The following BTRC variants were observed in gnomAD, a reference collection of about 807,000 sequenced individuals.
The protein encoded by BTRC is F-box/WD repeat-containing protein 1A.
BTRC carries 42 observed loss-of-function variants against 85.5 expected under a neutral mutation model. The observed-to-expected ratio is 0.49, with a 90% CI of 0.38 to 0.64. The LOEUF is 0.64. Ranked by LOEUF, BTRC falls within the 30% of genes least tolerant of loss-of-function variation. The probability of loss-of-function intolerance (pLI) is 0.00; values close to 1 mark genes in which losing one functional copy is unlikely to be tolerated. For missense variants in BTRC, 594 were observed against 743.5 expected (o/e 0.80, Z 2.34); for synonymous variants, 255 against 263.3 (o/e 0.97, Z 0.30).
chr10:101,522,377 C>CAAAAAAAA (rs377683037), intron 5 of BTRC, among the ~76,000 whole-genome samples: 1 of 49,320 alleles, frequency 2.0e-5, no homozygotes, highest in African/African-American at 6.0e-5. Flanking sequence ...CAAAAAAAAA[C>CAAAAAAAA]AAAAAAAAAA....
At chr10:101,505,608 A>G (rs1402168355) in intron 4 of BTRC, among the ~76,000 whole-genome samples, 2 of 149,792 alleles carry the variant, frequency 1.3e-5, no homozygotes, top group African/African-American at 4.9e-5. Context: ...CGACAGAGCG[A>G]GACTCCGTCT....
At chr10:101,381,073 G>C (rs1476120736) in intron 1 of BTRC, among the ~76,000 whole-genome samples, 2 of 152,052 alleles carry the variant, frequency 1.3e-5, no homozygotes, top group East Asian at 3.9e-4. Context: ...TGAAGTGTCA[G>C]GGGGTGCATG....
intron 4 of BTRC, among the ~76,000 whole-genome samples, chr10:101,491,139 A>G (rs776563787): frequency 3.3e-5 from 5 of 152,082 alleles, no homozygotes; most frequent in Non-Finnish European, 7.4e-5. Context: ...CCTTATTAAC[A>G]TAGTATACAG....
intron 6 of BTRC, among the ~76,000 whole-genome samples, chr10:101,529,828 C>G (rs2062253295): frequency 6.6e-6 from 1 of 152,090 alleles, no homozygotes; most frequent in South Asian, 2.1e-4. Flanking sequence ...TGTAATGGAG[C>G]TATAGAGGGA....
intron 3 of BTRC, among the ~76,000 whole-genome samples, chr10:101,477,345 C>G (rs566580027): frequency 1.3e-5 from 2 of 151,644 alleles, no homozygotes; most frequent in African/African-American, 4.8e-5. Flanking sequence ...GATTCTGATG[C>G]GCACTAAAGT....
intron 4 of BTRC, among the ~76,000 whole-genome samples, chr10:101,480,842 G>A (rs1945814595): frequency 1.3e-5 from 2 of 152,250 alleles, no homozygotes; most frequent in South Asian, 4.1e-4. Context: ...GCTATAAAAT[G>A]TAATTATAAA....
chr10:101,504,290 G>A (rs1946462869), intron 4 of BTRC, among the ~76,000 whole-genome samples: 1 of 152,176 alleles, frequency 6.6e-6, no homozygotes, highest in Non-Finnish European at 1.5e-5. Flanking sequence ...CCCTCTTGAT[G>A]TTTATTGTGT....
At chr10:101,510,528 A>C (rs1001540644) in intron 4 of BTRC, among the ~76,000 whole-genome samples, 2 of 151,784 alleles carry the variant, frequency 1.3e-5, no homozygotes, top group Non-Finnish European at 2.9e-5. Flanking sequence ...ACAAAAAAAA[A>C]AGTCGTTGTT....
At chr10:101,468,850 A>G (rs1349728563) in intron 3 of BTRC, among the ~76,000 whole-genome samples, 2 of 152,236 alleles carry the variant, frequency 1.3e-5, no homozygotes, top group African/African-American at 4.8e-5. Flanking sequence ...AGTGTGTTAT[A>G]TGTTTCACCT....
chr10:101,389,890 G>A (rs895374373), intron 1 of BTRC, among the ~76,000 whole-genome samples: 36 of 152,086 alleles, frequency 2.4e-4, no homozygotes, highest in Admixed American at 1.7e-3. Context: ...CTTCCAAAGT[G>A]TTGAGATTAT....
intron 1 of BTRC, among the ~76,000 whole-genome samples, chr10:101,399,155 A>G (rs1943435676): frequency 1.3e-5 from 2 of 151,962 alleles, no homozygotes; most frequent in South Asian, 2.1e-4. Flanking sequence ...GGGTTTCACC[A>G]TGTTGGCCAA....
chr10:101,550,256 A>G lies in BTRC; in HGVS notation c.1657-443A>G, dbSNP rs116297442. 7.1e-3 allele frequency among the ~76,000 whole-genome samples: 1,067 copies of G among 150,924 alleles called. 10 individuals carry two copies. Among genetic ancestry groups the G allele is most frequent in the African/African-American group, 0.023 (927 of 41,126 alleles). ...TCCATGCTGCCTTTAGCCAAAGTAA[A>G]TTTTCTCTATTTTTTTAATTTATTT... On this transcript the variant is annotated intron_variant, in intron 13 of 14. Transcript: ENST00000370187.
chr10:101,362,963 G>A (rs1369556845), intron 1 of BTRC, among the ~76,000 whole-genome samples: 1 of 152,174 alleles, frequency 6.6e-6, no homozygotes, highest in Non-Finnish European at 1.5e-5. Context: ...ATGTGTGTAG[G>A]TTATGTGCCG....
intron 2 of BTRC, among the ~76,000 whole-genome samples, chr10:101,436,771 C>G (rs1944543882): frequency 6.6e-6 from 1 of 152,020 alleles, no homozygotes; most frequent in Non-Finnish European, 1.5e-5. Flanking sequence ...AGCTAGGGTT[C>G]CATGTCAAAG....
intron 2 of BTRC, among the ~76,000 whole-genome samples, chr10:101,435,534 C>T (rs1274634733): frequency 1.3e-5 from 2 of 152,128 alleles, no homozygotes; most frequent in African/African-American, 4.8e-5. Context: ...CAGTAGTTCT[C>T]TTTTATTGTT....
At chr10:101,441,989 A>G (rs1262834541) in intron 2 of BTRC, among the ~76,000 whole-genome samples, 1 of 152,032 alleles carries the variant, frequency 6.6e-6, no homozygotes, top group Middle Eastern at 3.2e-3. Context: ...GATTGCATAT[A>G]CTTCTTTGAT....
chr10:101,385,253 G>A (rs1173848111), intron 1 of BTRC, among the ~76,000 whole-genome samples: 14 of 151,372 alleles, frequency 9.2e-5, no homozygotes, highest in Admixed American at 8.6e-4. Flanking sequence ...TGTAGTCCCA[G>A]CTACTCAGGA....
chr10:101,392,645 G>A (rs1437228234), intron 1 of BTRC, among the ~76,000 whole-genome samples: 3 of 151,858 alleles, frequency 2.0e-5, no homozygotes, highest in Non-Finnish European at 4.4e-5. Context: ...GATTACGGGT[G>A]CCCACCACCA....
chr10:101,557,090 C>T lies in BTRC; in HGVS notation c.*3967C>T, dbSNP rs1273756896. On this transcript the variant is annotated 3_prime_UTR_variant, in exon 15 of 15. Transcript: ENST00000370187. ...CAGTGCACTCCAATGATGGGACAGG[C>T]CTAACAACACATGTAAGCTTCCCCG... is the stretch of plus-strand genomic sequence containing the variant. 6.6e-6 allele frequency: 1 copy of T among 152,176 alleles called. No homozygotes were observed. The highest frequency in any genetic ancestry group is 1.5e-5 in the Non-Finnish European group (1 of 68,036). 9.4% of individuals were successfully genotyped at this position (152,176 alleles called of 1,614,324 possible). A position where few individuals can be genotyped will look rare whatever the true frequency, so the allele number is the denominator to read the frequency against.
Sources: gnomAD v4.1 joint callset for allele counts (sites outside exome capture counted in the v4.1 genomes callset) on GRCh38, gnomAD v4.1.1 for gene constraint, MANE v1.5 for transcripts, NCBI Gene and HGNC (gene_info 2026-07-23, HGNC 2026-07-21) for gene names.